OSBPL6: variants seen among roughly 807,000 people sequenced by gnomAD.
The protein encoded by OSBPL6 is oxysterol-binding protein-related protein 6.
OSBPL6 carries 49 observed loss-of-function variants against 125.8 expected under a neutral mutation model. The observed-to-expected ratio is 0.39, with a 90% confidence interval of 0.31 to 0.49. The LOEUF (loss-of-function observed/expected upper bound fraction) is 0.49. Among genes scored for constraint, OSBPL6 ranks in the 20% least tolerant of loss-of-function variants. The probability of loss-of-function intolerance (pLI) is 0.88; values close to 1 mark genes in which losing one functional copy is unlikely to be tolerated. For synonymous variants in OSBPL6, 394 were observed against 391.8 expected (o/e 1.01, Z -0.07); for missense variants, 986 against 1,135.4 (o/e 0.87, Z 1.89).
In OSBPL6 at chr2:178,328,288, G is replaced by A. The variant is rs1243183121; in HGVS notation, c.228G>A (p.Leu76=). The change falls in exon 5 of 25, where the codon CTG becomes CTA. Residue 76 remains leucine (L), a synonymous_variant. Transcript: ENST00000190611. ...EADSWEIIEG[L]KIGQTNVQKP... Reference sequence around the variant, plus strand: ...ACAGCTGGGAAATTATAGAAGGGCTGAAAATAGGCCAAACCAATGTCCAGA... The same window carrying A: ...ACAGCTGGGAAATTATAGAAGGGCTAAAAATAGGCCAAACCAATGTCCAGA... The A allele has an allele frequency of 1.2e-6, 2 of 1,613,764 alleles. No individual in the cohort carries two copies. Among genetic ancestry groups the A allele is most frequent in the Non-Finnish European group, 1.7e-6 (2 of 1,179,842 alleles).
intron 1 of OSBPL6, among the ~76,000 whole-genome samples, chr2:178,271,811 A>G (rs1263578186): frequency 2.0e-5 from 3 of 152,190 alleles, no homozygotes; most frequent in Non-Finnish European, 2.9e-5. Context: ...CAGTAATCCA[A>G]TAGATACTAG....
At chr2:178,279,381 CT>C (rs1683899324) in intron 1 of OSBPL6, among the ~76,000 whole-genome samples, 1 of 152,162 alleles carries the variant, frequency 6.6e-6, no homozygotes, top group Non-Finnish European at 1.5e-5. Flanking sequence ...CATTTGCTTC[CT>C]GAATGAGCCA....
intron 11 of OSBPL6, among the ~76,000 whole-genome samples, chr2:178,343,191 A>T (rs1472884392): frequency 6.6e-6 from 1 of 152,120 alleles, no homozygotes; most frequent in Non-Finnish European, 1.5e-5. Context: ...CTGTTAGGAG[A>T]TTCTAAGAAA....
intron 1 of OSBPL6, among the ~76,000 whole-genome samples, chr2:178,227,632 G>A (rs1046838672): frequency 3.3e-5 from 5 of 152,186 alleles, no homozygotes; most frequent in Middle Eastern, 3.4e-3. Flanking sequence ...GAAGTATAAC[G>A]AAATAACGGC....
At chr2:178,317,943 G>A (rs1687905940) in intron 3 of OSBPL6, among the ~76,000 whole-genome samples, 1 of 152,114 alleles carries the variant, frequency 6.6e-6, no homozygotes, top group Non-Finnish European at 1.5e-5. Context: ...TATGTGATTT[G>A]CCATTTGTTT....
Position 178,302,936 on chromosome 2 carries a change from C to T in OSBPL6, c.-155-3094C>T, listed in dbSNP as rs758878157. ...ACCTCATCCCTTGGAAGCACTTGAA[C>T]GCATCACAAAAGTACCTCCTTTTTG... On this transcript the variant is annotated intron_variant, in intron 2 of 24. Transcript: ENST00000190611. Among the ~76,000 whole-genome samples the T allele has an allele frequency of 3.3e-5, 5 of 152,278 alleles. No individual in the cohort carries two copies. In the South Asian group the frequency reaches 6.2e-4, roughly 19 times the overall value.
chr2:178,392,858 C>CAA (rs57057224), intron 23 of OSBPL6, among the ~76,000 whole-genome samples: 9 of 63,128 alleles, frequency 1.4e-4, no homozygotes, highest in African/African-American at 2.3e-4. Context: ...GAGACCCTGG[C>CAA]AAAAAAAAAA....
At position 178,397,205 on chromosome 2, in the gene OSBPL6, T is replaced by C. The variant is rs1040108979; in HGVS notation, c.*1646T>C. The C allele has an allele frequency of 1.9e-4, 29 of 152,234 alleles. No individual in the cohort carries two copies. Among genetic ancestry groups the C allele is most frequent in the African/African-American group, 6.8e-4 (28 of 41,464 alleles). 9.4% of individuals were successfully genotyped at this position (152,234 alleles called of 1,614,324 possible). A position where few individuals can be genotyped will look rare whatever the true frequency, so the allele number is the denominator to read the frequency against. ...AGAAAGCGCTAACGTTTCCACTAGA[T>C]GGCGCAATATTTTATTTATCCAAAA... On this transcript the variant is annotated 3_prime_UTR_variant, in exon 25 of 25. Transcript: ENST00000190611.
At chr2:178,356,735 C>G (rs1348089120) in intron 12 of OSBPL6, among the ~76,000 whole-genome samples, 2 of 152,178 alleles carry the variant, frequency 1.3e-5, no homozygotes, top group Non-Finnish European at 2.9e-5. Flanking sequence ...TTGGAAAAAG[C>G]TACTTTAAAG....
chr2:178,199,682 C>A (rs1014357552), intron 1 of OSBPL6, among the ~76,000 whole-genome samples: 2 of 151,202 alleles, frequency 1.3e-5, no homozygotes, highest in South Asian at 4.2e-4. Flanking sequence ...CTTTTTAACT[C>A]CCACATCACA....
At chr2:178,205,383 T>C (rs1382056062) in intron 1 of OSBPL6, among the ~76,000 whole-genome samples, 1 of 152,118 alleles carries the variant, frequency 6.6e-6, no homozygotes, top group Non-Finnish European at 1.5e-5. Flanking sequence ...AGGGAGCCTG[T>C]AGTTAGCCCC....
intron 8 of OSBPL6, among the ~76,000 whole-genome samples, chr2:178,335,848 A>T (rs1689632552): frequency 6.6e-6 from 1 of 152,218 alleles, no homozygotes; most frequent in Non-Finnish European, 1.5e-5. Context: ...AATTCAAGGC[A>T]TTGCAAGGTT....
rs188949955 is a variant in OSBPL6 at position 178,250,015 on chromosome 2, T to C, written c.-350-34912T>C. ...CAATAACACTAACAATACCTGCTAA[T>C]ATTTTACTGAGATTACTGCATGCCA... On this transcript the variant is annotated intron_variant, in intron 1 of 24. Coordinates refer to ENST00000190611, the MANE Select transcript of OSBPL6 (RefSeq NM_032523.4). Among the ~76,000 whole-genome samples the C allele has an allele frequency of 6.8e-4, 103 of 152,322 alleles. 1 individual carries two copies. Among genetic ancestry groups the C allele is most frequent in the African/African-American group, 2.5e-3 (102 of 41,560 alleles).
At chr2:178,275,734 A>AG (rs988599554) in intron 1 of OSBPL6, among the ~76,000 whole-genome samples, 13 of 75,784 alleles carry the variant, frequency 1.7e-4, no homozygotes, top group Admixed American at 5.0e-4. Context: ...GAAAAAAAAG[A>AG]GGGAAAAAAA....
chr2:178,270,287 C>G (rs1425508941), intron 1 of OSBPL6, among the ~76,000 whole-genome samples: 2 of 152,136 alleles, frequency 1.3e-5, no homozygotes, highest in Non-Finnish European at 2.9e-5. Context: ...TAAAGCATGA[C>G]TATGAATGAT....
chr2:178,336,065 C>T (rs1266386868), intron 8 of OSBPL6, among the ~76,000 whole-genome samples: 2 of 152,198 alleles, frequency 1.3e-5, no homozygotes, highest in East Asian at 1.9e-4. Flanking sequence ...TGAGATACAA[C>T]ACACTTAAAT....
chr2:178,376,556 T>C (rs1429046298), intron 15 of OSBPL6, among the ~76,000 whole-genome samples: 1 of 152,074 alleles, frequency 6.6e-6, no homozygotes, highest in Non-Finnish European at 1.5e-5. Flanking sequence ...TCCCATCCAT[T>C]TTCCACTGGG....
In OSBPL6 at chr2:178,402,799, C is replaced by T. The variant is rs1446932045; in HGVS notation, c.*7240C>T. 1 of 152,114 alleles carries T rather than the reference C, an allele frequency of 6.6e-6. No individual in the cohort carries two copies. Among genetic ancestry groups the T allele is most frequent in the Non-Finnish European group, 1.5e-5 (1 of 68,030 alleles). The allele number at this position is 152,114 out of a possible 1,614,324, so 9.4% of individuals were successfully genotyped here. On this transcript the variant is annotated 3_prime_UTR_variant, in exon 25 of 25. Transcript: ENST00000190611. ...AAAATTTGTCTAATCTGTGCCACCT[C>T]AAAATAAGAATTGTGCCTCTTCAAT...
intron 1 of OSBPL6, among the ~76,000 whole-genome samples, chr2:178,246,500 T>A (rs1177790094): frequency 6.6e-6 from 1 of 152,202 alleles, no homozygotes; most frequent in East Asian, 1.9e-4. Flanking sequence ...CATCTCTCCA[T>A]GTCCAGTAGC....
Sources: allele counts gnomAD v4.1 joint callset (sites outside exome capture counted in the v4.1 genomes callset), GRCh38; gene constraint gnomAD v4.1.1; transcripts MANE v1.5; gene names NCBI Gene and HGNC (gene_info 2026-07-23, HGNC 2026-07-21).